Variants in VANGL1 observed in about 807,000 individuals in gnomAD.
The protein encoded by VANGL1 is VANGL planar cell polarity protein 1.
A neutral mutation model predicts 48.4 loss-of-function variants in VANGL1; 18 were observed. That is an observed-to-expected ratio of 0.37 (90% CI 0.26 to 0.55). VANGL1 has a LOEUF of 0.55. Ranked by LOEUF, VANGL1 falls within the 20% of genes least tolerant of loss-of-function variation. The probability of loss-of-function intolerance (pLI) is 0.81; values close to 1 mark genes in which losing one functional copy is unlikely to be tolerated. For missense variants in VANGL1, 667 were observed against 675.8 expected, an observed-to-expected ratio of 0.99 and a Z score of 0.14; for synonymous variants, 257 against 261.8, an observed-to-expected ratio of 0.98 and a Z score of 0.18.
chr1:115,670,309 G>A (rs1405943719), intron 4 of VANGL1, among the ~76,000 whole-genome samples: 4 of 152,186 alleles, frequency 2.6e-5, no homozygotes, highest in Admixed American at 1.3e-4. Context: ...AGCCTGAGCT[G>A]AGACAGGAAT....
At chr1:115,655,530 C>T (rs1031670581) in intron 2 of VANGL1, among the ~76,000 whole-genome samples, 3 of 152,120 alleles carry the variant, frequency 2.0e-5, no homozygotes, top group African/African-American at 7.2e-5. Context: ...GCAGATGTTG[C>T]GTGGAGACAA....
Position 115,691,502 on chromosome 1 carries a change from T to G in VANGL1, c.*123T>G, listed in dbSNP as rs910551058. ...ATTGCTGACTGAAACTGGCAGATGA[T>G]TGACCAGTATCCTTTGACCATCTGC... On this transcript the variant is annotated 3_prime_UTR_variant, in exon 8 of 8. Coordinates refer to ENST00000355485, the MANE Select transcript of VANGL1 (RefSeq NM_138959.3). The G allele has an allele frequency of 6.3e-6, 7 of 1,119,440 alleles. No homozygotes were observed. The highest frequency in any genetic ancestry group is 8.7e-6 in the Non-Finnish European group (7 of 807,068). The allele number at this position is 1,119,440 out of a possible 1,614,324, so 69.3% of individuals were successfully genotyped here.
intron 3 of VANGL1, among the ~76,000 whole-genome samples, chr1:115,662,040 C>T (rs10923142): frequency 0.15 from 22,595 of 152,200 alleles, 1,914 homozygotes; most frequent in East Asian, 0.25. Context: ...CACTGTACCA[C>T]GGTCCACTTC....
At chr1:115,691,047 G>A in intron 7 of VANGL1, 72 bp from the exon 8 acceptor site, 1 of 1,609,236 alleles carries the variant, frequency 6.2e-7, no homozygotes, top group Non-Finnish European at 8.5e-7. Flanking sequence ...TGTGAGAGTG[G>A]ATAGCCGCCT....
intron 1 of VANGL1, among the ~76,000 whole-genome samples, chr1:115,645,336 G>C (rs578042495): frequency 1.4e-4 from 21 of 152,302 alleles, no homozygotes; most frequent in African/African-American, 5.1e-4. Context: ...AACCCCTTCA[G>C]TTCTTCCTAA....
intron 4 of VANGL1, among the ~76,000 whole-genome samples, chr1:115,681,611 AT>A (rs1653397899): frequency 6.8e-6 from 1 of 146,800 alleles, no homozygotes; most frequent in Admixed American, 7.0e-5. Context: ...GGTTCAAGTG[AT>A]TCTCCCGTTT....
At chr1:115,651,895 T>C (rs1279040958) in intron 2 of VANGL1, among the ~76,000 whole-genome samples, 2 of 152,142 alleles carry the variant, frequency 1.3e-5, no homozygotes, top group Non-Finnish European at 2.9e-5. Context: ...TAGCTGAGAC[T>C]ACAGGCGCCC....
intron 7 of VANGL1, among the ~76,000 whole-genome samples, chr1:115,688,989 C>T (rs1324788335): frequency 7.4e-6 from 1 of 135,300 alleles, no homozygotes; most frequent in Non-Finnish European, 1.6e-5. Context: ...GACGGGGTTT[C>T]ACCGTGTTAG....
intron 2 of VANGL1, among the ~76,000 whole-genome samples, chr1:115,659,398 G>A (rs555537559): frequency 1.4e-4 from 22 of 152,106 alleles, no homozygotes; most frequent in African/African-American, 5.3e-4. Flanking sequence ...GAGGAAGAGT[G>A]ACAGTCTTTG....
chr1:115,671,549 TA>T (rs1652974618), intron 4 of VANGL1, among the ~76,000 whole-genome samples: 1 of 152,166 alleles, frequency 6.6e-6, no homozygotes, highest in African/African-American at 2.4e-5. Flanking sequence ...AGTCCATATC[TA>T]AATCTTTTTC....
intron 2 of VANGL1, among the ~76,000 whole-genome samples, chr1:115,654,910 G>C (rs1371618280): frequency 6.6e-6 from 1 of 152,180 alleles, no homozygotes; most frequent in Non-Finnish European, 1.5e-5. Context: ...AGTGTTATTT[G>C]CCTAAAATTA....
intron 4 of VANGL1, among the ~76,000 whole-genome samples, chr1:115,667,882 G>C (rs1199452356): frequency 6.6e-6 from 1 of 152,248 alleles, no homozygotes; most frequent in Non-Finnish European, 1.5e-5. Context: ...AAATAAGTGT[G>C]AATACTGGTG....
chr1:115,651,432 T>C lies in VANGL1; in HGVS notation c.19T>C (p.Tyr7His), dbSNP rs1652141880. The C allele has an allele frequency of 6.2e-7, 1 of 1,613,936 alleles. No homozygotes were observed. Among genetic ancestry groups the C allele is most frequent in the African/African-American group, 1.3e-5 (1 of 74,918 alleles). MDTEST[Y>H]SGYSYYSSHS... The stretch of plus-strand genomic sequence containing the variant: ...CATTGCTATGGATACCGAATCCACT[T>C]ATTCTGGATATTCTTACTATTCAAG... The change falls in exon 2 of 8, where the codon TAT (tyrosine) becomes CAT (histidine). Residue 7 changes from tyrosine (Y) to histidine (H), a missense_variant. By Grantham distance (83) the Tyr-to-His change is moderately conservative. Transcript: ENST00000355485.
At chr1:115,651,557 CTT>C in intron 2 of VANGL1, 73 bp downstream of exon 2, 1 of 1,325,660 alleles carries the variant, frequency 7.5e-7, no homozygotes, top group Non-Finnish European at 1.1e-6. Context: ...TCTACACTCA[CTT>C]TTCAGTGACT....
chr1:115,658,010 G>C (rs1484939119), intron 2 of VANGL1, among the ~76,000 whole-genome samples: 1 of 152,186 alleles, frequency 6.6e-6, no homozygotes, highest in East Asian at 1.9e-4. Context: ...CTGTCCCCAT[G>C]ATCCAGACAC....
chr1:115,688,861 C>T (rs1251049106), intron 7 of VANGL1, among the ~76,000 whole-genome samples: 1 of 133,538 alleles, frequency 7.5e-6, no homozygotes, highest in African/African-American at 2.8e-5. Context: ...ACGATCTCGG[C>T]TCACTGCAAA....
intron 7 of VANGL1, 141 bp downstream of exon 7, chr1:115,685,668 C>T (rs1266710309): frequency 3.2e-6 from 3 of 926,458 alleles, no homozygotes; most frequent in Non-Finnish European, 5.1e-6. Flanking sequence ...GTGATTCTCA[C>T]TTATTTTATG....
At chr1:115,646,177 G>A (rs1163856580) in intron 1 of VANGL1, among the ~76,000 whole-genome samples, 1 of 152,156 alleles carries the variant, frequency 6.6e-6, no homozygotes, top group Non-Finnish European at 1.5e-5. Flanking sequence ...GGTGGTGAAG[G>A]AGGTTCTTTC....
At position 115,659,690 on chromosome 1, in the gene VANGL1, G is replaced by T; in HGVS notation, c.121G>T (p.Gly41Trp). The T allele has an allele frequency of 6.2e-7, 1 of 1,614,168 alleles. No individual in the cohort carries two copies. Among genetic ancestry groups the T allele is most frequent in the Non-Finnish European group, 8.5e-7 (1 of 1,180,040 alleles). Residue 41 changes from glycine (G) to tryptophan (W), a missense_variant, in exon 3 of 8, where the codon GGG becomes TGG. Coordinates refer to ENST00000355485, the MANE Select transcript of VANGL1 (RefSeq NM_138959.3). ...GTCACCCCGGAATAAAGACGGCAGA[G>T]GGTCAGAAAAGTCTGTCACCATTCA... ...HKSPRNKDGR[G>W]SEKSVTIQPP...
Sources: gnomAD v4.1 joint callset for allele counts (sites outside exome capture counted in the v4.1 genomes callset) on GRCh38, gnomAD v4.1.1 for gene constraint, MANE v1.5 for transcripts, NCBI Gene and HGNC (gene_info 2026-07-23, HGNC 2026-07-21) for gene names.